Variants in PACSIN1 observed in about 807,000 individuals in gnomAD.
PACSIN1 encodes protein kinase C and casein kinase substrate in neurons protein 1.
Under a neutral mutation model 59.5 loss-of-function variants are expected in PACSIN1, and 15 were observed. That is an observed-to-expected ratio of 0.25 (90% CI 0.17 to 0.39). PACSIN1 has a LOEUF of 0.39. Among genes scored for constraint, PACSIN1 ranks in the 10% least tolerant of loss-of-function variants. PACSIN1 has a pLI of 1.00. For synonymous variants in PACSIN1, 210 were observed against 220.6 expected, an observed-to-expected ratio of 0.95 and a Z score of 0.42; for missense variants, 420 against 580.2, an observed-to-expected ratio of 0.72 and a Z score of 2.84.
At chr6:34,477,589 T>G (rs1240576412) in intron 1 of PACSIN1, among the ~76,000 whole-genome samples, 1 of 152,170 alleles carries the variant, frequency 6.6e-6, no homozygotes, top group African/African-American at 2.4e-5. Context: ...CATCATATTT[T>G]CTCTTCTCCA....
In PACSIN1 at chr6:34,531,633, C is replaced by T; in HGVS notation, c.1071C>T (p.Ala357=). The part of the protein sequence containing the change: ...VSSYDRGQPY[A]TEWSDDESGN... Reference sequence around the variant, plus strand: ...GCTACGACAGAGGCCAGCCCTACGCCACCGAGTGGTCAGACGACGAGAGTG... The same window carrying T: ...GCTACGACAGAGGCCAGCCCTACGCTACCGAGTGGTCAGACGACGAGAGTG... Residue 357 remains alanine, a synonymous_variant, in exon 9 of 10, where the codon GCC becomes GCT. Transcript: ENST00000244458. The surrounding 1 kb of genome is among the most constrained non-coding windows in gnomAD (Gnocchi z 4.4). The T allele has an allele frequency of 6.2e-7, 1 of 1,613,994 alleles. No homozygotes were observed. Among genetic ancestry groups the T allele is most frequent in the African/African-American group, 1.3e-5 (1 of 75,032 alleles).
At chr6:34,497,646 C>T (rs1297694862) in intron 1 of PACSIN1, among the ~76,000 whole-genome samples, 2 of 152,206 alleles carry the variant, frequency 1.3e-5, no homozygotes, top group Non-Finnish European at 2.9e-5. Context: ...CTGTCCATCA[C>T]TCTGTTGCCA....
At chr6:34,506,478 G>C (rs1210473658) in intron 1 of PACSIN1, among the ~76,000 whole-genome samples, 1 of 152,232 alleles carries the variant, frequency 6.6e-6, no homozygotes, top group African/African-American at 2.4e-5. Context: ...GTCTCCTAAA[G>C]TGCTAGAATT....
chr6:34,469,061 C>T (rs1039682583), intron 1 of PACSIN1, among the ~76,000 whole-genome samples: 2 of 151,058 alleles, frequency 1.3e-5, no homozygotes, highest in African/African-American at 4.9e-5. Context: ...AGAAGTGAAA[C>T]TGGCTACAGG....
Position 34,530,228 on chromosome 6 carries a change from T to A in PACSIN1, c.789-15T>A, listed in dbSNP as rs763287969. 1 of 1,600,666 alleles carries A rather than the reference T, an allele frequency of 6.2e-7. No individual in the cohort carries two copies. Among genetic ancestry groups the A allele is most frequent in the Non-Finnish European group, 8.5e-7 (1 of 1,170,368 alleles). On this transcript the variant is annotated splice_polypyrimidine_tract_variant and intron_variant, in intron 6 of 9. Coordinates refer to ENST00000244458, the MANE Select transcript of PACSIN1 (RefSeq NM_020804.5). The surrounding 1 kb of genome is among the most constrained non-coding windows in gnomAD (Gnocchi z 4.4). ...GAATCTGTGCCCTCCACCTCCCCCATCTCCCTGAGCACAGCTACATCCATG... is the reference window on the plus strand; with the variant it reads ...GAATCTGTGCCCTCCACCTCCCCCAACTCCCTGAGCACAGCTACATCCATG...
At chr6:34,505,736 C>T (rs773576951) in intron 1 of PACSIN1, among the ~76,000 whole-genome samples, 9 of 149,506 alleles carry the variant, frequency 6.0e-5, no homozygotes, top group Non-Finnish European at 1.0e-4. Context: ...CTGGTTCAAG[C>T]GATTTTGTAT....
At chr6:34,493,329 C>T (rs1466822084) in intron 1 of PACSIN1, among the ~76,000 whole-genome samples, 2 of 152,314 alleles carry the variant, frequency 1.3e-5, no homozygotes, top group South Asian at 2.1e-4. Flanking sequence ...TTGGTGGACA[C>T]GTAGGTTGTT....
At chr6:34,503,644 G>T (rs1767061651) in intron 1 of PACSIN1, among the ~76,000 whole-genome samples, 1 of 152,200 alleles carries the variant, frequency 6.6e-6, no homozygotes, top group South Asian at 2.1e-4. Flanking sequence ...CTTACAGCAA[G>T]CCCTGTGGTT....
chr6:34,522,159 C>G (rs1767404904), intron 1 of PACSIN1, among the ~76,000 whole-genome samples: 1 of 152,360 alleles, frequency 6.6e-6, no homozygotes, highest in Admixed American at 6.5e-5. Flanking sequence ...TCCGCTCTCC[C>G]TCAGGGGTCC....
chr6:34,492,002 G>A (rs1766884452), intron 1 of PACSIN1, among the ~76,000 whole-genome samples: 1 of 151,988 alleles, frequency 6.6e-6, no homozygotes. Context: ...GTTCTTTTTG[G>A]TGGAATGATG....
chr6:34,516,514 C>G lies in PACSIN1; in HGVS notation c.-63-9729C>G, dbSNP rs1767295249. Among the ~76,000 whole-genome samples the G allele has an allele frequency of 6.6e-6, 1 of 152,258 alleles. No individual in the cohort carries two copies. Among genetic ancestry groups the G allele is most frequent in the African/African-American group, 2.4e-5 (1 of 41,464 alleles). ...AGCTGATATCTGCCCTGCCTCACCT[C>G]CTGCAGCCAGGCCTGCTGGCCTCAG... On this transcript the variant is annotated intron_variant, in intron 1 of 9. Transcript: ENST00000244458. This position sits in a 1 kb window ranked among gnomAD's most constrained non-coding sequence, Gnocchi z 5.4.
At position 34,488,944 on chromosome 6, in the gene PACSIN1, GC is replaced by G. The variant is rs1766831247; in HGVS notation, c.-64+22676del. 6.6e-6 allele frequency among the ~76,000 whole-genome samples: 1 copy of G among 152,140 alleles called. No homozygotes were observed. The highest frequency in any genetic ancestry group is 2.4e-5 in the African/African-American group (1 of 41,416). ...ACCCGTAATCCTAATACTTTGGGAGGCCGAGGCAGGTGGATCACTTGAGCCC... is the reference window on the plus strand; with the variant it reads ...ACCCGTAATCCTAATACTTTGGGAGGCGAGGCAGGTGGATCACTTGAGCCC... On this transcript the variant is annotated intron_variant, in intron 1 of 9. Transcript: ENST00000244458. This position sits in a 1 kb window ranked among gnomAD's most constrained non-coding sequence, Gnocchi z 4.7.
Position 34,530,876 on chromosome 6 carries a change from G to T in PACSIN1, c.1037+289G>T, listed in dbSNP as rs1306594504. Reference sequence around the variant, plus strand: ...GATTCTCCTAAGGAACGTGCAACCTGGATCCCTCGCATGCGCAGTTCACAA... The same window carrying T: ...GATTCTCCTAAGGAACGTGCAACCTTGATCCCTCGCATGCGCAGTTCACAA... On this transcript the variant is annotated intron_variant, in intron 8 of 9. Coordinates refer to ENST00000244458, the MANE Select transcript of PACSIN1 (RefSeq NM_020804.5). This position sits in a 1 kb window ranked among gnomAD's most constrained non-coding sequence, Gnocchi z 4.4. 6.6e-6 allele frequency among the ~76,000 whole-genome samples: 1 copy of T among 152,180 alleles called. No individual in the cohort carries two copies. Among genetic ancestry groups the T allele is most frequent in the Non-Finnish European group, 1.5e-5 (1 of 68,032 alleles).
rs1036096587 is a variant in PACSIN1, at chr6:34,526,194, G to C, written c.-63-49G>C. 3 of 874,230 alleles carry C rather than the reference G, an allele frequency of 3.4e-6. No homozygotes were observed. The African/African-American group carries it at 5.0e-5, about 15-fold the overall frequency. The allele number at this position is 874,230 out of a possible 1,614,324, so 54.2% of individuals were successfully genotyped here. ...ACCCAGGCCTGGAATGGGGCAAAGG[G>C]TGGAAGGCCCTTCCCTCATCTCCAG... On this transcript the variant is annotated intron_variant, in intron 1 of 9. Transcript: ENST00000244458.
At chr6:34,499,759 G>A (rs887287819) in intron 1 of PACSIN1, among the ~76,000 whole-genome samples, 24 of 151,760 alleles carry the variant, frequency 1.6e-4, no homozygotes, top group African/African-American at 5.6e-4. Flanking sequence ...CGGTGCCACT[G>A]CACTCCAGCC....
Position 34,532,350 on chromosome 6 carries a change from C to A in PACSIN1, c.1226-71C>A. The A allele has an allele frequency of 9.7e-7, 1 of 1,031,372 alleles. No homozygotes were observed. The allele number at this position is 1,031,372 out of a possible 1,614,324, so 63.9% of individuals were successfully genotyped here. ...ATCAGGAGGTGGGTATTGGAGGGTTCCCCTAGCAGCCGGTGCGTTGAGGGA... is the reference window on the plus strand; with the variant it reads ...ATCAGGAGGTGGGTATTGGAGGGTTACCCTAGCAGCCGGTGCGTTGAGGGA... On this transcript the variant is annotated intron_variant, in intron 9 of 9. Transcript: ENST00000244458. This position sits in a 1 kb window ranked among gnomAD's most constrained non-coding sequence, Gnocchi z 5.2.
chr6:34,510,516 G>A (rs1396722603), intron 1 of PACSIN1, among the ~76,000 whole-genome samples: 2 of 152,062 alleles, frequency 1.3e-5, no homozygotes, highest in East Asian at 3.9e-4. Context: ...TTCAGCTGTG[G>A]GCTGCTTTCA....
Position 34,515,698 on chromosome 6 carries a change from T to G in PACSIN1, c.-63-10545T>G, listed in dbSNP as rs1287032419. 1.3e-5 allele frequency among the ~76,000 whole-genome samples: 2 copies of G among 152,128 alleles called. No individual in the cohort carries two copies. Among genetic ancestry groups the G allele is most frequent in the Non-Finnish European group, 2.9e-5 (2 of 68,008 alleles). ...TCCCAGATCTCCCAAAGGACCCCCA[T>G]GCCCATCCCCAGCAAGCCCAGGGTC... On this transcript the variant is annotated intron_variant, in intron 1 of 9. Transcript: ENST00000244458. This position sits in a 1 kb window ranked among gnomAD's most constrained non-coding sequence, Gnocchi z 4.4.
rs530982553 is a variant in PACSIN1, at chr6:34,526,248, G to A, written c.-58G>A. Reference sequence around the variant, plus strand: ...TCTCTCTCCTGCCCTCCCAGTGCATGAGCAGCCGAGCCTGCTAACCGCAGC... The same window carrying A: ...TCTCTCTCCTGCCCTCCCAGTGCATAAGCAGCCGAGCCTGCTAACCGCAGC... On this transcript the variant is annotated 5_prime_UTR_variant, in exon 2 of 10. It removes an upstream start codon present in the reference 5' UTR. Coordinates refer to ENST00000244458, the MANE Select transcript of PACSIN1 (RefSeq NM_020804.5). 7.0e-7 allele frequency: 1 copy of A among 1,428,340 alleles called. No homozygotes were observed. The highest frequency in any genetic ancestry group is 1.1e-5 in the South Asian group (1 of 87,012). 88.5% of individuals were successfully genotyped at this position (1,428,340 alleles called of 1,614,324 possible).
Sources: gnomAD v4.1 joint callset for allele counts (sites outside exome capture counted in the v4.1 genomes callset) on GRCh38, gnomAD v4.1.1 for gene constraint, Gnocchi (gnomAD v3.1) non-coding constraint, MANE v1.5 for transcripts, NCBI Gene and HGNC (gene_info 2026-07-23, HGNC 2026-07-21) for gene names.